Variants in CFAP44 observed in about 807,000 individuals in gnomAD.
CFAP44 encodes cilia and flagella associated protein 44.
A neutral mutation model predicts 216.2 loss-of-function variants in CFAP44; 134 were observed. The ratio of observed to expected loss-of-function variants is 0.62; its 90% CI spans 0.54 to 0.72. The LOEUF (loss-of-function observed/expected upper bound fraction) is 0.72. Ranked by LOEUF, CFAP44 falls within the 30% of genes least tolerant of loss-of-function variation. The probability of loss-of-function intolerance (pLI) is 0.00; values close to 1 mark genes in which losing one functional copy is unlikely to be tolerated. For synonymous variants in CFAP44, 700 were observed against 727.6 expected (o/e 0.96, Z 0.61); for missense variants, 2,035 against 2,182.1 (o/e 0.93, Z 1.34).
At chr3:113,439,390 A>T (rs1444996051) in intron 1 of CFAP44, among the ~76,000 whole-genome samples, 1 of 152,214 alleles carries the variant, frequency 6.6e-6, no homozygotes, top group Non-Finnish European at 1.5e-5. Context: ...ACACATAAAA[A>T]AAAATACTTC....
intron 8 of CFAP44, among the ~76,000 whole-genome samples, chr3:113,405,988 T>C (rs894579160): frequency 1.3e-5 from 2 of 152,190 alleles, no homozygotes; most frequent in African/African-American, 2.4e-5. Context: ...CCTTAAATAT[T>C]TGTGTGCTGG....
At chr3:113,337,268 T>TA (rs1178261017) in intron 24 of CFAP44, among the ~76,000 whole-genome samples, 1 of 152,036 alleles carries the variant, frequency 6.6e-6, no homozygotes, top group African/African-American at 2.4e-5. Flanking sequence ...TAGAACTTTT[T>TA]ATGCTGAAAA....
intron 1 of CFAP44, among the ~76,000 whole-genome samples, chr3:113,438,714 A>G (rs928073239): frequency 1.3e-5 from 2 of 152,184 alleles, no homozygotes; most frequent in Non-Finnish European, 2.9e-5. Context: ...CCTCCCTGCA[A>G]CTTGGATCCA....
chr3:113,289,505 G>GT lies in CFAP44; in HGVS notation c.*2051dup, dbSNP rs1289061568. ...ATAAAATGAGGCCCAGGAAGATAAC[G>GT]TAACTTCTCCTGATTCTCTACAATT... On this transcript the variant is annotated 3_prime_UTR_variant, in exon 35 of 35. Transcript: ENST00000393845. The GT allele has an allele frequency of 6.6e-6, 1 of 152,138 alleles. No homozygotes were observed. Among genetic ancestry groups the GT allele is most frequent in the Non-Finnish European group, 1.5e-5 (1 of 68,028 alleles). The allele number at this position is 152,138 out of a possible 1,614,324, so 9.4% of individuals were successfully genotyped here.
At chr3:113,380,233 T>C (rs984633193) in intron 16 of CFAP44, among the ~76,000 whole-genome samples, 12 of 152,156 alleles carry the variant, frequency 7.9e-5, no homozygotes, top group African/African-American at 2.7e-4. Flanking sequence ...CCCAGTGGTC[T>C]AAAATGAAAT....
At chr3:113,321,439 C>G (rs943022032) in intron 28 of CFAP44, among the ~76,000 whole-genome samples, 2 of 152,166 alleles carry the variant, frequency 1.3e-5, no homozygotes, top group Non-Finnish European at 1.5e-5. Context: ...AAAGCTGGAA[C>G]CATTCTTCTT....
In CFAP44 at chr3:113,366,035, A is replaced by T; in HGVS notation, c.2715+4T>A. The T allele has an allele frequency of 6.3e-7, 1 of 1,598,144 alleles. No homozygotes were observed. Among genetic ancestry groups the T allele is most frequent in the South Asian group, 1.1e-5 (1 of 88,630 alleles). ...ATTAATTAACTGGTTAATTAATTAC[A>T]TACCCTGGGAGATGGAACTTTGGCC... On this transcript the variant is annotated splice_donor_region_variant and intron_variant, in intron 19 of 34. Transcript: ENST00000393845.
intron 15 of CFAP44, among the ~76,000 whole-genome samples, chr3:113,391,968 T>C (rs372528909): frequency 2.6e-5 from 4 of 152,166 alleles, no homozygotes; most frequent in African/African-American, 9.7e-5. Context: ...ACAACCACTA[T>C]GGAGAACAGT....
In CFAP44 at chr3:113,401,155, A is replaced by AGGACCATGAT. The variant is rs1160626511; in HGVS notation, c.1374+84_1374+85insATCATGGTCC. On this transcript the variant is annotated intron_variant, in intron 11 of 34. Coordinates refer to ENST00000393845, the MANE Select transcript of CFAP44 (RefSeq NM_001164496.2). The stretch of plus-strand genomic sequence containing the variant: ...TTATGAGGACCATGATGAAATATGG[A>AGGACCATGAT]GAAAGATAAAGAATACTTTAAAGAC... The AGGACCATGAT allele has an allele frequency of 3.2e-6, 4 of 1,267,888 alleles. No individual in the cohort carries two copies. The African/African-American group carries it at 6.2e-5, about 20-fold the overall frequency. The allele number at this position is 1,267,888 out of a possible 1,614,324, so 78.5% of individuals were successfully genotyped here. A position where few individuals can be genotyped will look rare whatever the true frequency, so the allele number is the denominator to read the frequency against.
In CFAP44 at chr3:113,330,403, A is replaced by G. The variant is rs549000704; in HGVS notation, c.3881T>C (p.Val1294Ala). Residue 1294 changes from valine to alanine, a missense_variant, in exon 26 of 35, where the codon GTG (valine) becomes GCG (alanine). Val to Ala is a moderately conservative substitution (Grantham distance 64, BLOSUM62 0). This residue lies in a region of CFAP44 where 1,883 missense variants were observed against 2,023.7 expected (regional missense o/e 0.93). Transcript: ENST00000393845. Reference protein sequence around the residue: ...MKSKDEKSPGVEQTGSGGPVG... With the variant: ...MKSKDEKSPGAEQTGSGGPVG... Reference sequence around the variant, plus strand: ...TGGGCCTCCAGACCCTGTCTGTTCCACTCCGGGGGACTTTTCATCTTTACT... The same window carrying G: ...TGGGCCTCCAGACCCTGTCTGTTCCGCTCCGGGGGACTTTTCATCTTTACT... 6.5e-7 allele frequency: 1 copy of G among 1,537,106 alleles called. No homozygotes were observed. Among genetic ancestry groups the G allele is most frequent in the South Asian group, 1.2e-5 (1 of 84,042 alleles).
At chr3:113,380,295 C>T (rs1307138110) in intron 16 of CFAP44, among the ~76,000 whole-genome samples, 1 of 152,188 alleles carries the variant, frequency 6.6e-6, no homozygotes, top group Non-Finnish European at 1.5e-5. Context: ...ACTCTTGCAA[C>T]ATCCTTCAAC....
chr3:113,384,621 A>G (rs1035570022), intron 15 of CFAP44, among the ~76,000 whole-genome samples: 8 of 152,238 alleles, frequency 5.3e-5, no homozygotes, highest in Non-Finnish European at 1.0e-4. Context: ...ATGTGAGAAC[A>G]CAGCAAGAAA....
intron 28 of CFAP44, among the ~76,000 whole-genome samples, chr3:113,314,645 C>A (rs183159466): frequency 1.3e-5 from 2 of 152,144 alleles, no homozygotes; most frequent in South Asian, 4.1e-4. Context: ...CTCCTCTCTT[C>A]GAGTGTTTAA....
chr3:113,343,299 G>C (rs1424282928), intron 23 of CFAP44, among the ~76,000 whole-genome samples: 2 of 152,032 alleles, frequency 1.3e-5, no homozygotes, highest in Admixed American at 6.5e-5. Context: ...CTGACCTCAA[G>C]TGATTCACCT....
chr3:113,409,947 C>T (rs2107374000), intron 6 of CFAP44, among the ~76,000 whole-genome samples: 1 of 152,282 alleles, frequency 6.6e-6, no homozygotes, highest in South Asian at 2.1e-4. Flanking sequence ...AGTAAGTTAC[C>T]TTATATGGCC....
chr3:113,411,227 A>G (rs898030769), intron 6 of CFAP44, among the ~76,000 whole-genome samples: 2 of 152,156 alleles, frequency 1.3e-5, no homozygotes, highest in Non-Finnish European at 2.9e-5. Flanking sequence ...GCCCATGCCT[A>G]TTTCCTGAAT....
intron 19 of CFAP44, among the ~76,000 whole-genome samples, chr3:113,365,666 G>A (rs2107317211): frequency 6.6e-6 from 1 of 152,050 alleles, no homozygotes; most frequent in African/African-American, 2.4e-5. Context: ...TATGGCATAT[G>A]TCCTATATCA....
intron 7 of CFAP44, 134 bp downstream of exon 7, chr3:113,408,972 T>A (rs1275648365): frequency 9.1e-6 from 5 of 548,784 alleles, no homozygotes; most frequent in African/African-American, 2.2e-5. Flanking sequence ...TAAAATAACA[T>A]ATTTTTAAAT....
intron 1 of CFAP44, chr3:113,434,922 A>G (rs948189455): frequency 6.6e-6 from 1 of 152,202 alleles, no homozygotes; most frequent in Non-Finnish European, 1.5e-5. Flanking sequence ...GACAAAGGAG[A>G]GTGTAGTATG....
Sources: allele counts gnomAD v4.1 joint callset (sites outside exome capture counted in the v4.1 genomes callset), GRCh38; gene constraint gnomAD v4.1.1; regional missense constraint gnomAD v4.1.1; transcripts MANE v1.5; gene names NCBI Gene and HGNC (gene_info 2026-07-23, HGNC 2026-07-21).